The following RANGAP1 variants were observed in gnomAD, a reference collection of about 807,000 sequenced individuals.
RANGAP1 encodes ran GTPase-activating protein 1.
In RANGAP1, 38 loss-of-function variants were observed where a neutral mutation model predicts 63.5. The observed-to-expected ratio is 0.60, with a 90% CI of 0.46 to 0.78. The LOEUF (loss-of-function observed/expected upper bound fraction) is 0.78. Among genes scored for constraint, RANGAP1 ranks in the 30% least tolerant of loss-of-function variants. RANGAP1 has a pLI of 0.00. For synonymous variants in RANGAP1, 329 were observed against 310.5 expected, an observed-to-expected ratio of 1.06 and a Z score of -0.63; for missense variants, 630 against 740.3, an observed-to-expected ratio of 0.85 and a Z score of 1.73.
At chr22:41,281,312 C>T in intron 1 of RANGAP1, 1 of 785,642 alleles carries the variant, frequency 1.3e-6, no homozygotes, top group Non-Finnish European at 1.7e-6. Flanking sequence ...TAAGAAGCTA[C>T]CATCTCATTA....
At chr22:41,298,949 G>A in the RANGAP1 span, among the ~76,000 whole-genome samples, 8 of 152,248 alleles carry the variant, frequency 5.3e-5, no homozygotes, top group East Asian at 1.3e-3. Context: ...GGTGAGGGCC[G>A]CCTTCCTGGT....
At chr22:41,275,335 T>C (rs1022119734) in intron 2 of RANGAP1, among the ~76,000 whole-genome samples, 1 of 151,500 alleles carries the variant, frequency 6.6e-6, no homozygotes, top group Non-Finnish European at 1.5e-5. Context: ...TTACTAAAAA[T>C]ACAAAAATTA....
intron 15 of RANGAP1, among the ~76,000 whole-genome samples, chr22:41,248,984 A>G (rs2033243738): frequency 6.6e-6 from 1 of 152,188 alleles, no homozygotes; most frequent in Non-Finnish European, 1.5e-5. Flanking sequence ...CTCAGCAGAC[A>G]TGGGTCTGGA....
chr22:41,298,414 A>G, the RANGAP1 span, among the ~76,000 whole-genome samples: 1 of 151,990 alleles, frequency 6.6e-6, no homozygotes, highest in Non-Finnish European at 1.5e-5. Context: ...TCCCAGGTTC[A>G]AGCGATTCTC....
upstream of RANGAP1, among the ~76,000 whole-genome samples, chr22:41,288,001 A>G (rs1326633158): frequency 1.3e-5 from 2 of 149,782 alleles, no homozygotes; most frequent in African/African-American, 5.1e-5. Context: ...AAATAAATAA[A>G]TTAATTAATT....
rs528522954 is a variant in RANGAP1, at chr22:41,257,396, T to G, written c.774+552A>C. Among the ~76,000 whole-genome samples, 1 of 152,228 alleles carries G rather than the reference T, an allele frequency of 6.6e-6. No individual in the cohort carries two copies. The highest frequency in any genetic ancestry group is 2.1e-4 in the South Asian group (1 of 4,828). On this transcript the variant is annotated intron_variant, in intron 7 of 15. Transcript: ENST00000356244. This position sits in a 1 kb window ranked among gnomAD's most constrained non-coding sequence, Gnocchi z 4.0. Reference sequence around the variant, plus strand: ...AGGGTCTCCCTGAAGGCGGGGTCTTTGGCTCAACCCCATGTGGCCTGCACT... The same window carrying G: ...AGGGTCTCCCTGAAGGCGGGGTCTTGGGCTCAACCCCATGTGGCCTGCACT...
At chr22:41,264,294 C>T (rs987162876) in intron 5 of RANGAP1, among the ~76,000 whole-genome samples, 1 of 152,172 alleles carries the variant, frequency 6.6e-6, no homozygotes, top group East Asian at 1.9e-4. Flanking sequence ...CGGTGCCCCC[C>T]CTGAGCATAT....
the RANGAP1 span, among the ~76,000 whole-genome samples, chr22:41,293,031 T>G: frequency 9.3e-5 from 14 of 151,186 alleles, 1 homozygote; most frequent in South Asian, 2.7e-3. Context: ...GTCAGGAGAT[T>G]GAGACCATCC....
intron 3 of RANGAP1, among the ~76,000 whole-genome samples, chr22:41,273,967 A>G (rs757716505): frequency 1.3e-5 from 2 of 152,038 alleles, no homozygotes; most frequent in African/African-American, 4.8e-5. Context: ...AATCCCAGCT[A>G]CTCAGGAGGC....
chr22:41,286,504 A>G (rs1227684809), upstream of RANGAP1, among the ~76,000 whole-genome samples: 1 of 152,244 alleles, frequency 6.6e-6, no homozygotes, highest in East Asian at 1.9e-4. Context: ...CGTTGCACCC[A>G]GGTCCCTCAG....
rs1251497682 is a variant in RANGAP1, at chr22:41,245,211, G to A, written c.*1392C>T. Among the ~76,000 whole-genome samples, 1 of 152,176 alleles carries A rather than the reference G, an allele frequency of 6.6e-6. No homozygotes were observed. The highest frequency in any genetic ancestry group is 6.5e-5 in the Admixed American group (1 of 15,272). On this transcript the variant is annotated 3_prime_UTR_variant, in exon 16 of 16. Transcript: ENST00000356244. ...AAAATATTGCCCTCTAAGAAACCTTGGAGGGACTTCTTGGAGGCCGTTTGT... is the reference window on the plus strand; with the variant it reads ...AAAATATTGCCCTCTAAGAAACCTTAGAGGGACTTCTTGGAGGCCGTTTGT...
At chr22:41,250,920 G>T in intron 13 of RANGAP1, 87 bp downstream of exon 13, 1 of 1,124,298 alleles carries the variant, frequency 8.9e-7, no homozygotes, top group Non-Finnish European at 1.3e-6. Context: ...CGCTGGGGCT[G>T]ACGAGTTACG....
At chr22:41,253,832 C>A (rs1319876102) in intron 11 of RANGAP1, among the ~76,000 whole-genome samples, 1 of 152,068 alleles carries the variant, frequency 6.6e-6, no homozygotes, top group East Asian at 1.9e-4. Context: ...TATGGCTGGG[C>A]CCGGTGGCTC....
rs912768957 is a variant in RANGAP1 at position 41,245,170 on chromosome 22, G to A, written c.*1433C>T. Reference sequence around the variant, plus strand: ...CCTCTGCCACCTGGTCACCTACGTGGCCGACTGCCAATGAGAAAATATTGC... The same window carrying A: ...CCTCTGCCACCTGGTCACCTACGTGACCGACTGCCAATGAGAAAATATTGC... On this transcript the variant is annotated 3_prime_UTR_variant, in exon 16 of 16. Coordinates refer to ENST00000356244, the MANE Select transcript of RANGAP1 (RefSeq NM_002883.4). Among the ~76,000 whole-genome samples, 1 of 152,234 alleles carries A rather than the reference G, an allele frequency of 6.6e-6. No homozygotes were observed. The highest frequency in any genetic ancestry group is 1.5e-5 in the Non-Finnish European group (1 of 68,048).
rs2033938817 is a variant in RANGAP1 at position 41,257,908 on chromosome 22, A to G, written c.774+40T>C. On this transcript the variant is annotated intron_variant, in intron 7 of 15. Transcript: ENST00000356244. The surrounding 1 kb of genome is among the most constrained non-coding windows in gnomAD (Gnocchi z 4.0). ...CCTGGAAAGACAGCAGCCAGCCTCT[A>G]TCTGGCGGGGCCCAACTGGCTCTGC... The G allele has an allele frequency of 2.6e-6, 4 of 1,557,424 alleles. No homozygotes were observed. Among genetic ancestry groups the G allele is most frequent in the Non-Finnish European group, 1.7e-6 (2 of 1,145,888 alleles).
intron 11 of RANGAP1, 138 bp from the exon 12 acceptor site, chr22:41,253,129 A>G: frequency 1.1e-6 from 1 of 914,166 alleles, no homozygotes; most frequent in East Asian, 3.5e-5. Context: ...TCTTCCTCCC[A>G]CTCAGCTGCA....
intron 1 of RANGAP1, among the ~76,000 whole-genome samples, chr22:41,284,750 C>T (rs1461555024): frequency 6.6e-6 from 1 of 152,130 alleles, no homozygotes; most frequent in African/African-American, 2.4e-5. Context: ...CAGGTGCCTG[C>T]AGTCCCAGCT....
At position 41,272,715 on chromosome 22, in the gene RANGAP1, C is replaced by T. The variant is rs144709452; in HGVS notation, c.240+1885G>A. Among the ~76,000 whole-genome samples the T allele has an allele frequency of 2.2e-4, 33 of 152,190 alleles. No individual in the cohort carries two copies. In the East Asian group the frequency reaches 6.2e-3, roughly 29 times the overall value. On this transcript the variant is annotated intron_variant, in intron 3 of 15. Transcript: ENST00000356244. ...TTTGTATTTTGAGATGGGATTTCAC[C>T]ATGTTGGCCAGGATGGTCTTGATCT...
chr22:41,251,539 C>A (rs926141834), intron 12 of RANGAP1, among the ~76,000 whole-genome samples: 2 of 151,386 alleles, frequency 1.3e-5, no homozygotes, highest in African/African-American at 4.9e-5. Context: ...GGCAGGAGGA[C>A]TGCTTGAGCC....
Sources: allele counts gnomAD v4.1 joint callset (sites outside exome capture counted in the v4.1 genomes callset), GRCh38; gene constraint gnomAD v4.1.1; non-coding constraint Gnocchi (gnomAD v3.1); transcripts MANE v1.5; gene names NCBI Gene and HGNC (gene_info 2026-07-23, HGNC 2026-07-21).